The following COL4A5 variants were observed in gnomAD, a reference collection of about 807,000 sequenced individuals.
The protein encoded by COL4A5 is collagen alpha-5(IV) chain.
A neutral mutation model predicts 130.2 loss-of-function variants in COL4A5; 26 were observed. The observed-to-expected ratio is 0.20, with a 90% CI of 0.15 to 0.28. COL4A5 has a LOEUF of 0.28. COL4A5 is among the 10% of genes least tolerant of loss of function. COL4A5 has a pLI of 1.00. For missense variants in COL4A5, 1,131 were observed against 1,344.3 expected (o/e 0.84, Z 2.48); for synonymous variants, 496 against 439.6 (o/e 1.13, Z -1.60).
chrX:108,601,695 T>G (rs2147820276), intron 26 of COL4A5, among the ~76,000 whole-genome samples, 190 bp from the exon 27 acceptor site: 1 of 109,982 alleles, frequency 9.1e-6, no homozygotes, highest in Admixed American at 9.6e-5. Context: ...CACGCCCAGT[T>G]AATTTTTGTA....
chrX:108,518,930 C>T (rs1249806794), intron 1 of COL4A5, among the ~76,000 whole-genome samples: 1 of 111,096 alleles, frequency 9.0e-6, no homozygotes, highest in Non-Finnish European at 1.9e-5. Flanking sequence ...GGCTTTTGCT[C>T]AAAATTTGAA....
intron 39 of COL4A5, 109 bp downstream of exon 39, chrX:108,666,703 C>A: frequency 1.5e-6 from 1 of 651,017 alleles, no homozygotes; most frequent in South Asian, 2.5e-5. Context: ...ACTAAGCTAC[C>A]ACACACTTTC....
In COL4A5 at chrX:108,591,212, T is replaced by C; in HGVS notation, c.1320T>C (p.Ala440=). The C allele has an allele frequency of 8.3e-7, 1 of 1,209,635 alleles. No individual in the cohort carries two copies. The highest frequency in any genetic ancestry group is 1.1e-6 in the Non-Finnish European group (1 of 894,609). ...GGCTTCCAGGGCCTCCTGGCCCTGCTGGCCCTCACATTCCTCCTAGTAAGC... is the reference window on the plus strand; with the variant it reads ...GGCTTCCAGGGCCTCCTGGCCCTGCCGGCCCTCACATTCCTCCTAGTAAGC... ...APGLPGPPGP[A]GPHIPPSDEI... The change falls in exon 20 of 53, where the codon GCT becomes GCC. Residue 440 remains alanine (A), a synonymous_variant. Coordinates refer to ENST00000328300, the MANE Select transcript of COL4A5 (RefSeq NM_033380.3).
chrX:108,695,210 T>C, intron 51 of COL4A5, 57 bp from the exon 52 acceptor site: 1 of 1,183,416 alleles, frequency 8.5e-7, no homozygotes, highest in Non-Finnish European at 1.1e-6. Flanking sequence ...CTTTGGATAT[T>C]CACTAAGCTA....
intron 1 of COL4A5, among the ~76,000 whole-genome samples, chrX:108,454,018 T>C: frequency 8.9e-6 from 1 of 112,100 alleles, no homozygotes; most frequent in Admixed American, 9.5e-5. Flanking sequence ...AGGTACTAAA[T>C]TGGAAAATTC....
chrX:108,668,803 A>G (rs182121463), intron 41 of COL4A5, among the ~76,000 whole-genome samples: 5 of 111,924 alleles, frequency 4.5e-5, no homozygotes, highest in African/African-American at 1.6e-4. Flanking sequence ...TCTTGTTACT[A>G]AAAGGTAAAA....
At chrX:108,575,732 G>T (rs1231753434) in intron 9 of COL4A5, among the ~76,000 whole-genome samples, 178 bp from the exon 10 acceptor site, 1 of 112,070 alleles carries the variant, frequency 8.9e-6, no homozygotes, top group East Asian at 2.8e-4. Flanking sequence ...AGCTACTCAG[G>T]AGGCTGAGGC....
At chrX:108,515,186 T>G (rs1032644119) in intron 1 of COL4A5, among the ~76,000 whole-genome samples, 6 of 112,031 alleles carry the variant, frequency 5.4e-5, no homozygotes, top group African/African-American at 1.9e-4. Context: ...AAGTTAATTA[T>G]CAGCATGATT....
Position 108,447,546 on chromosome X carries a change from A to T in COL4A5, c.81+7340A>T, listed in dbSNP as rs1237422546. 2.7e-5 allele frequency among the ~76,000 whole-genome samples: 3 copies of T among 112,145 alleles called. No homozygotes were observed. In the Admixed American group the frequency reaches 2.8e-4, roughly 11 times the overall value. On this transcript the variant is annotated intron_variant, in intron 1 of 52. Transcript: ENST00000328300. ...TTTCCAGGTGGCATTTGAATAGCTG[A>T]ACTTTAAGCTCCTGAGTGATAGGGA...
At chrX:108,534,219 G>T (rs961592428) in intron 1 of COL4A5, among the ~76,000 whole-genome samples, 22 of 110,896 alleles carry the variant, frequency 2.0e-4, no homozygotes, top group African/African-American at 6.5e-4. Context: ...ATACAACCCA[G>T]CAATTCCACT....
intron 1 of COL4A5, among the ~76,000 whole-genome samples, chrX:108,532,972 C>T: frequency 9.0e-6 from 1 of 111,560 alleles, no homozygotes; most frequent in East Asian, 2.8e-4. Flanking sequence ...CCAAAGGAAT[C>T]TATACATTCA....
intron 35 of COL4A5, among the ~76,000 whole-genome samples, 184 bp from the exon 36 acceptor site, chrX:108,626,026 C>A (rs1386509660): frequency 9.0e-6 from 1 of 111,553 alleles, no homozygotes; most frequent in Non-Finnish European, 1.9e-5. Flanking sequence ...CCAGCTATAC[C>A]CCCTTTTATT....
intron 36 of COL4A5, among the ~76,000 whole-genome samples, chrX:108,630,051 G>C (rs2147880268): frequency 8.9e-6 from 1 of 111,885 alleles, no homozygotes; most frequent in South Asian, 3.7e-4. Flanking sequence ...TCAATCCAGT[G>C]TATCATGGAT....
At position 108,640,798 on chromosome X, in the gene COL4A5, G is replaced by T. The variant is rs770112871; in HGVS notation, c.3246+14449G>T. Among the ~76,000 whole-genome samples the T allele has an allele frequency of 2.6e-4, 29 of 111,638 alleles. No individual in the cohort carries two copies. In the South Asian group the frequency reaches 8.9e-3, roughly 34 times the overall value. On this transcript the variant is annotated intron_variant, in intron 36 of 52. Transcript: ENST00000328300. ...CCACATAAAATGAAAATATTAATTA[G>T]CTTGATTTAATCATTTCACAATGTA...
At chrX:108,479,712 A>G (rs1354862264) in intron 1 of COL4A5, among the ~76,000 whole-genome samples, 1 of 111,630 alleles carries the variant, frequency 9.0e-6, no homozygotes, top group Non-Finnish European at 1.9e-5. Context: ...AATCACGTAT[A>G]TACCACTTCC....
Position 108,598,849 on chromosome X carries a change from C to T in COL4A5, c.1927C>T (p.Pro643Ser). Residue 643 changes from proline to serine, a missense_variant, in exon 25 of 53, where the codon CCA (proline) becomes TCA (serine). Pro to Ser is a moderately conservative substitution (Grantham distance 74). Transcript: ENST00000328300. Reference protein sequence around the residue: ...EKGIQGVAGNPGQPGIPGPKG... With the variant: ...EKGIQGVAGNSGQPGIPGPKG... ...AGGCATACAAGGTGTGGCAGGAAAT[C>T]CAGGCCAGCCAGGAATACCAGGTAA... 1 of 1,211,086 alleles carries T rather than the reference C, an allele frequency of 8.3e-7. No homozygotes were observed. The highest frequency in any genetic ancestry group is 1.1e-6 in the Non-Finnish European group (1 of 895,240).
intron 21 of COL4A5, among the ~76,000 whole-genome samples, chrX:108,593,733 C>T (rs1323443427): frequency 9.0e-6 from 1 of 111,547 alleles, no homozygotes; most frequent in Non-Finnish European, 1.9e-5. Context: ...GTGTGTAGGT[C>T]TGTTTCTGAC....
At chrX:108,526,760 C>T (rs1204756252) in intron 1 of COL4A5, among the ~76,000 whole-genome samples, 1 of 77,039 alleles carries the variant, frequency 1.3e-5, no homozygotes, top group African/African-American at 4.7e-5. Context: ...CTTTTCTTTT[C>T]TTTTCCTTTC....
At chrX:108,681,348 T>C (rs910252871) in intron 46 of COL4A5, among the ~76,000 whole-genome samples, 2 of 109,942 alleles carry the variant, frequency 1.8e-5, no homozygotes, top group African/African-American at 6.6e-5. Flanking sequence ...ATAAGGAATC[T>C]GCTAAATTCC....
Sources: allele counts gnomAD v4.1 joint callset (sites outside exome capture counted in the v4.1 genomes callset), GRCh38; gene constraint gnomAD v4.1.1; transcripts MANE v1.5; gene names NCBI Gene and HGNC (gene_info 2026-07-23, HGNC 2026-07-21).